The following MPPED1 variants were observed in gnomAD, a reference collection of about 807,000 sequenced individuals.
MPPED1 encodes metallophosphoesterase domain-containing protein 1.
MPPED1 carries 16 observed loss-of-function variants against 36.2 expected under a neutral mutation model. The ratio of observed to expected loss-of-function variants is 0.44; its 90% CI spans 0.30 to 0.67. MPPED1 has a LOEUF of 0.67. MPPED1 is among the 30% of genes least tolerant of loss of function. MPPED1 has a pLI of 0.10. For missense variants in MPPED1, 307 were observed against 453.4 expected (o/e 0.68, Z 2.93); for synonymous variants, 199 against 191.3 (o/e 1.04, Z -0.33).
chr22:43,444,454 C>A (rs550824997), intron 3 of MPPED1, among the ~76,000 whole-genome samples: 1 of 151,376 alleles, frequency 6.6e-6, no homozygotes, highest in Non-Finnish European at 1.5e-5. Context: ...GCAACCTCCC[C>A]CTCCCGGGTT....
intron 3 of MPPED1, among the ~76,000 whole-genome samples, chr22:43,467,174 T>C (rs375966966): frequency 1.3e-5 from 2 of 152,202 alleles, no homozygotes; most frequent in East Asian, 1.9e-4. Flanking sequence ...GAGGTAGAGA[T>C]GGAAGTCAGG....
chr22:43,419,441 G>C (rs1025208364), intron 1 of MPPED1, among the ~76,000 whole-genome samples: 1 of 152,126 alleles, frequency 6.6e-6, no homozygotes, highest in Non-Finnish European at 1.5e-5. Flanking sequence ...GGGCCTTCTG[G>C]ACAGAGGGAA....
At chr22:43,478,002 C>T (rs1403257389) in intron 4 of MPPED1, among the ~76,000 whole-genome samples, 2 of 152,152 alleles carry the variant, frequency 1.3e-5, no homozygotes, top group East Asian at 1.9e-4. Context: ...CCTTGGGGAG[C>T]GAGGAAGAGG....
At chr22:43,477,232 TG>T (rs1931604346) in intron 4 of MPPED1, among the ~76,000 whole-genome samples, 1 of 152,206 alleles carries the variant, frequency 6.6e-6, no homozygotes. Context: ...GCCTGTCACT[TG>T]ACAGCCCTTA....
chr22:43,472,358 G>A (rs1039830826), intron 3 of MPPED1, among the ~76,000 whole-genome samples: 8 of 152,134 alleles, frequency 5.3e-5, no homozygotes, highest in African/African-American at 1.9e-4. Flanking sequence ...TCAAAATTTT[G>A]TACATTTCCA....
chr22:43,453,429 G>A (rs911805967), intron 3 of MPPED1, among the ~76,000 whole-genome samples: 1 of 152,030 alleles, frequency 6.6e-6, no homozygotes, highest in East Asian at 1.9e-4. Flanking sequence ...TTAAAATCCA[G>A]GGTCTTTGGC....
chr22:43,489,236 G>A (rs1337965800), intron 4 of MPPED1, among the ~76,000 whole-genome samples: 1 of 152,080 alleles, frequency 6.6e-6, no homozygotes, highest in Non-Finnish European at 1.5e-5. Context: ...CTCCAGGAGG[G>A]GCTGCTTCTT....
chr22:43,497,923 ATATATG>A (rs199983920), intron 4 of MPPED1, among the ~76,000 whole-genome samples: 1,442 of 85,990 alleles, frequency 0.017, 136 homozygotes, highest in African/African-American at 0.099. Flanking sequence ...AAGCTGATAT[ATATATG>A]TATATGTATA....
intron 3 of MPPED1, among the ~76,000 whole-genome samples, chr22:43,452,361 A>G (rs1297397693): frequency 6.6e-6 from 1 of 152,042 alleles, no homozygotes; most frequent in East Asian, 1.9e-4. Flanking sequence ...ACTCCTGGCC[A>G]GGGAAAGGAA....
chr22:43,447,900 A>G (rs1449388508), intron 3 of MPPED1, among the ~76,000 whole-genome samples: 1 of 41,318 alleles, frequency 2.4e-5, no homozygotes, highest in Non-Finnish European at 6.1e-5. Context: ...TTTTTTTTAG[A>G]CAAAGTCTCG....
intron 2 of MPPED1, among the ~76,000 whole-genome samples, chr22:43,429,504 G>A (rs115606385): frequency 3.0e-4 from 45 of 152,330 alleles, no homozygotes; most frequent in Admixed American, 4.6e-4. Context: ...TTTTTGCCCT[G>A]TGAGCACTGA....
At chr22:43,469,287 G>T (rs1201807058) in intron 3 of MPPED1, among the ~76,000 whole-genome samples, 1 of 152,174 alleles carries the variant, frequency 6.6e-6, no homozygotes, top group South Asian at 2.1e-4. Context: ...TTCAGTGCAG[G>T]CATTAGGCAG....
chr22:43,474,765 A>G lies in MPPED1; in HGVS notation c.436A>G (p.Ile146Val). 1 of 1,614,020 alleles carries G rather than the reference A, an allele frequency of 6.2e-7. No homozygotes were observed. The highest frequency in any genetic ancestry group is 8.5e-7 in the Non-Finnish European group (1 of 1,179,888). The change falls in exon 4 of 7, where the codon ATC (isoleucine) becomes GTC (valine). Residue 146 changes from isoleucine to valine, a missense_variant. Physicochemically the swap from Ile to Val is conservative, Grantham distance 29. Transcript: ENST00000443721. This position sits in a 1 kb window ranked among gnomAD's most constrained non-coding sequence, Gnocchi z 5.2. ...GSLPYEYKIV[I>V]AGNHELTFDQ... ...CCTGCCCTACGAGTACAAGATCGTG[A>G]TCGCAGGCAACCACGAGCTGACCTT...
At position 43,507,020 on chromosome 22, in the gene MPPED1, C is replaced by T. The variant is rs531462133; in HGVS notation, c.*1404C>T. The T allele has an allele frequency of 2.0e-5, 3 of 152,298 alleles. No homozygotes were observed. The East Asian group carries it at 5.8e-4, about 29-fold the overall frequency. The allele number at this position is 152,298 out of a possible 1,614,324, so 9.4% of individuals were successfully genotyped here. On this transcript the variant is annotated 3_prime_UTR_variant, in exon 7 of 7. Transcript: ENST00000443721. ...CCTGGGAACCAGCCTACCGTGAGCC[C>T]TTTTGCAGATATAGACTCATTTCAT...
In MPPED1 at chr22:43,435,224, C is replaced by T. The variant is rs775889471; in HGVS notation, c.406+9C>T. On this transcript the variant is annotated intron_variant, in intron 3 of 6. Transcript: ENST00000443721. ...GTTCAACGAGTGGCTGGGTAGGTCC[C>T]TCCTGCCCCGGGCGGGCGGCTGTGC... The T allele has an allele frequency of 2.5e-6, 4 of 1,602,148 alleles. No individual in the cohort carries two copies. The South Asian group carries it at 4.4e-5, about 18-fold the overall frequency.
chr22:43,450,401 G>T (rs1328949835), intron 3 of MPPED1, among the ~76,000 whole-genome samples: 1 of 152,238 alleles, frequency 6.6e-6, no homozygotes, highest in African/African-American at 2.4e-5. Context: ...CTGTTGTGAG[G>T]ATTGAATAAG....
chr22:43,448,005 A>C (rs1215841796), intron 3 of MPPED1, among the ~76,000 whole-genome samples: 1 of 150,524 alleles, frequency 6.6e-6, no homozygotes, highest in Non-Finnish European at 1.5e-5. Flanking sequence ...CAGCCTCCCA[A>C]GTAGCTGGGA....
chr22:43,500,341 T>A (rs1429845955), intron 5 of MPPED1, among the ~76,000 whole-genome samples: 73 of 144,428 alleles, frequency 5.1e-4, no homozygotes, highest in African/African-American at 8.1e-4. Context: ...GTGGAGGTGG[T>A]GGTGGTGATG....
chr22:43,446,360 G>A (rs929227245), intron 3 of MPPED1, among the ~76,000 whole-genome samples: 1 of 152,194 alleles, frequency 6.6e-6, no homozygotes, highest in African/African-American at 2.4e-5. Context: ...GTGAGTCAGG[G>A]GAGAAGACAG....
Sources: allele counts gnomAD v4.1 joint callset (sites outside exome capture counted in the v4.1 genomes callset), GRCh38; gene constraint gnomAD v4.1.1; non-coding constraint Gnocchi (gnomAD v3.1); transcripts MANE v1.5; gene names NCBI Gene and HGNC (gene_info 2026-07-23, HGNC 2026-07-21).